Variants in SULT1B1 observed in about 807,000 individuals in gnomAD.
The protein encoded by SULT1B1 is sulfotransferase 1B1.
SULT1B1 carries 28 observed loss-of-function variants against 34.6 expected under a neutral mutation model. The ratio of observed to expected loss-of-function variants is 0.81; its 90% CI spans 0.60 to 1.11. SULT1B1 has a LOEUF of 1.11. SULT1B1 is among the 50% of genes least tolerant of loss of function. The pLI, the probability that SULT1B1 is intolerant of heterozygous loss-of-function variation, is 0.00. For synonymous variants in SULT1B1, 147 were observed against 110.2 expected, an observed-to-expected ratio of 1.33 and a Z score of -2.09; for missense variants, 374 against 352.2, an observed-to-expected ratio of 1.06 and a Z score of -0.50.
chr4:69,730,728 T>A (rs750796700), intron 6 of SULT1B1, 47 bp from the exon 7 acceptor site: 1 of 1,504,698 alleles, frequency 6.6e-7, no homozygotes, highest in Admixed American at 1.9e-5. Flanking sequence ...ACTCACACAA[T>A]GTGAATATTT....
At chr4:69,755,362 C>T (rs553717360) in intron 1 of SULT1B1, 101 bp from the exon 2 acceptor site, 22 of 835,108 alleles carry the variant, frequency 2.6e-5, no homozygotes, top group East Asian at 1.3e-4. Context: ...TAACATTCTG[C>T]GCACATGGAG....
chr4:69,724,701 C>T lies in SULT1B1; in HGVS notation c.*2387G>A, dbSNP rs1410532695. ...TAGACCAATGGAACAGAACAGAGCC[C>T]TCAGAAATAATACTACACATCTACA... On this transcript the variant is annotated 3_prime_UTR_variant, in exon 8 of 8. Coordinates refer to ENST00000310613, the MANE Select transcript of SULT1B1 (RefSeq NM_014465.4). 4 of 152,178 alleles carry T rather than the reference C, an allele frequency of 2.6e-5. No homozygotes were observed. The highest frequency in any genetic ancestry group is 4.4e-5 in the Non-Finnish European group (3 of 68,076). The allele number at this position is 152,178 out of a possible 1,614,324, so 9.4% of individuals were successfully genotyped here.
In SULT1B1 at chr4:69,748,933, T is replaced by A. The variant is rs7688065; in HGVS notation, c.375+788A>T. 5.1e-3 allele frequency among the ~76,000 whole-genome samples: 778 copies of A among 152,138 alleles called. 2 individuals are homozygous for A. Among genetic ancestry groups the A allele is most frequent in the Non-Finnish European group, 9.0e-3 (613 of 67,950 alleles). ...GAAAGAAACAAATCAATAATATCAGTTCCTACTTAAAGAGATTAGAAAAAG... is the reference window on the plus strand; with the variant it reads ...GAAAGAAACAAATCAATAATATCAGATCCTACTTAAAGAGATTAGAAAAAG... On this transcript the variant is annotated intron_variant, in intron 4 of 7. Transcript: ENST00000310613.
At chr4:69,731,850 G>T (rs1273858427) in intron 6 of SULT1B1, among the ~76,000 whole-genome samples, 1 of 152,142 alleles carries the variant, frequency 6.6e-6, no homozygotes, top group African/African-American at 2.4e-5. Flanking sequence ...AGACAGAAAT[G>T]GTCTCAAATG....
chr4:69,738,074 T>C (rs115898514), intron 4 of SULT1B1, among the ~76,000 whole-genome samples: 151 of 152,328 alleles, frequency 9.9e-4, no homozygotes, highest in African/African-American at 3.6e-3. Flanking sequence ...CCACGTATAC[T>C]CAAGGTTTAC....
chr4:69,733,740 G>C (rs1487493880), intron 5 of SULT1B1, among the ~76,000 whole-genome samples: 3 of 152,036 alleles, frequency 2.0e-5, no homozygotes, highest in Non-Finnish European at 2.9e-5. Flanking sequence ...CCTCCAAAAA[G>C]TTATACTTAG....
At chr4:69,734,825 A>ATT (rs751090730) in intron 4 of SULT1B1, among the ~76,000 whole-genome samples, 114 of 116,214 alleles carry the variant, frequency 9.8e-4, no homozygotes, top group Middle Eastern at 4.5e-3. Flanking sequence ...CTACTTCGCT[A>ATT]CTCTTTTTTT....
chr4:69,732,275 G>A lies in SULT1B1; in HGVS notation c.597+1138C>T, dbSNP rs139858684. Among the ~76,000 whole-genome samples, 324 of 152,220 alleles carry A rather than the reference G, an allele frequency of 2.1e-3. 2 individuals carry two copies. Among genetic ancestry groups the A allele is most frequent in the Middle Eastern group, 6.8e-3 (2 of 294 alleles). On this transcript the variant is annotated intron_variant, in intron 6 of 7. Coordinates refer to ENST00000310613, the MANE Select transcript of SULT1B1 (RefSeq NM_014465.4). ...CAACTGTGATGGAGAATGAATACTT[G>A]GGCAGTGAATAAAATCTCAGAGGAT...
chr4:69,734,790 C>G (rs139557885), intron 4 of SULT1B1, among the ~76,000 whole-genome samples: 40 of 149,976 alleles, frequency 2.7e-4, no homozygotes, highest in African/African-American at 9.3e-4. Flanking sequence ...AGTTCAGAAA[C>G]TAGAAGGTAT....
intron 1 of SULT1B1, among the ~76,000 whole-genome samples, chr4:69,757,494 T>C (rs116029876): frequency 0.028 from 4,246 of 152,204 alleles, 208 homozygotes; most frequent in African/African-American, 0.096. Flanking sequence ...TTAATTTGTA[T>C]AGAAAGAGGT....
intron 4 of SULT1B1, among the ~76,000 whole-genome samples, chr4:69,747,670 T>C (rs984948699): frequency 4.6e-5 from 7 of 152,064 alleles, no homozygotes; most frequent in Admixed American, 4.6e-4. Context: ...CAGCGTAGAG[T>C]ACTGTCTCTG....
chr4:69,739,688 T>C (rs970948779), intron 4 of SULT1B1, among the ~76,000 whole-genome samples: 1 of 152,268 alleles, frequency 6.6e-6, no homozygotes, highest in Non-Finnish European at 1.5e-5. Context: ...TTGTTACTTA[T>C]GCAAATTTCT....
intron 3 of SULT1B1, among the ~76,000 whole-genome samples, chr4:69,750,056 G>A (rs769841026): frequency 6.6e-6 from 1 of 152,238 alleles, no homozygotes; most frequent in East Asian, 1.9e-4. Context: ...TAAGCATTGT[G>A]AGACACTTTG....
At chr4:69,733,325 C>A in intron 6 of SULT1B1, 88 bp downstream of exon 6, 1 of 900,620 alleles carries the variant, frequency 1.1e-6, no homozygotes, top group Non-Finnish European at 1.6e-6. Context: ...ATTTTGGACT[C>A]GATAGACTAA....
At chr4:69,733,355 C>T (rs1847366) in intron 6 of SULT1B1, 58 bp downstream of exon 6, 541,088 of 1,242,738 alleles carry the variant, frequency 0.44, 120,734 homozygotes, top group East Asian at 0.62. Flanking sequence ...CAAATATCAA[C>T]CCTTTTACAG....
Position 69,724,556 on chromosome 4 carries a change from A to AT in SULT1B1, c.*2531dup, listed in dbSNP as rs1389229911. 7.2e-5 allele frequency: 11 copies of AT among 152,202 alleles called. No individual in the cohort carries two copies. Among genetic ancestry groups the AT allele is most frequent in the Non-Finnish European group, 1.0e-4 (7 of 68,046 alleles). The allele number at this position is 152,202 out of a possible 1,614,324, so 9.4% of individuals were successfully genotyped here. ...CATAAGAAACCAAAAAAGAGCCCGC[A>AT]TTGCCAAGTCAATCCTAAGCCAAAA... is the stretch of plus-strand genomic sequence containing the variant. On this transcript the variant is annotated 3_prime_UTR_variant, in exon 8 of 8. Coordinates refer to ENST00000310613, the MANE Select transcript of SULT1B1 (RefSeq NM_014465.4).
At position 69,721,956 on chromosome 4, in the gene SULT1B1, G is replaced by A. The variant is rs1007844926; in HGVS notation, c.*5132C>T. On this transcript the variant is annotated 3_prime_UTR_variant, in exon 8 of 8. Coordinates refer to ENST00000310613, the MANE Select transcript of SULT1B1 (RefSeq NM_014465.4). ...CTGATGATTCAACAGGAGAAATAACGATAAAAGCATTGTTTTAGAAAAATT... is the reference window on the plus strand; with the variant it reads ...CTGATGATTCAACAGGAGAAATAACAATAAAAGCATTGTTTTAGAAAAATT... 2 of 151,992 alleles carry A rather than the reference G, an allele frequency of 1.3e-5. No individual in the cohort carries two copies. Among genetic ancestry groups the A allele is most frequent in the East Asian group, 3.9e-4 (2 of 5,186 alleles). 9.4% of individuals were successfully genotyped at this position (151,992 alleles called of 1,614,324 possible).
At chr4:69,728,595 A>C (rs1284310006) in intron 7 of SULT1B1, among the ~76,000 whole-genome samples, 9 of 151,852 alleles carry the variant, frequency 5.9e-5, no homozygotes, top group Non-Finnish European at 1.5e-5. Context: ...CTATATGCAA[A>C]TTAACGAATG....
chr4:69,753,873 A>T (rs374554222), intron 3 of SULT1B1, among the ~76,000 whole-genome samples: 65 of 152,316 alleles, frequency 4.3e-4, no homozygotes, highest in South Asian at 1.0e-3. Context: ...TGTTCAAATA[A>T]GTCAGACACT....
Sources: gnomAD v4.1 joint callset for allele counts (sites outside exome capture counted in the v4.1 genomes callset) on GRCh38, gnomAD v4.1.1 for gene constraint, MANE v1.5 for transcripts, NCBI Gene and HGNC (gene_info 2026-07-23, HGNC 2026-07-21) for gene names.